The following ZNF609 variants were observed in gnomAD, a reference collection of about 807,000 sequenced individuals.
ZNF609 encodes the protein zinc finger protein 609.
ZNF609 carries 11 observed loss-of-function variants against 109.5 expected under a neutral mutation model. The observed-to-expected ratio is 0.10, with a 90% CI of 0.06 to 0.17. The LOEUF is 0.17. Among genes scored for constraint, ZNF609 ranks in the 10% least tolerant of loss-of-function variants. The pLI is 1.00. For missense variants in ZNF609, 1,559 were observed against 1,772.4 expected (o/e 0.88, Z 2.16); for synonymous variants, 646 against 662.0 (o/e 0.98, Z 0.37).
chr15:64,605,266 T>C (rs749655304), intron 2 of ZNF609, among the ~76,000 whole-genome samples: 2 of 152,168 alleles, frequency 1.3e-5, no homozygotes, highest in Non-Finnish European at 2.9e-5. Flanking sequence ...ATATAACCTG[T>C]TTCATGTAGT....
At position 64,499,721 on chromosome 15, in the gene ZNF609, A is replaced by G; in HGVS notation, c.302A>G (p.Lys101Arg). Residue 101 changes from lysine to arginine, a missense_variant, in exon 2 of 10, where the codon AAA (lysine) becomes AGA (arginine). This residue lies in a region of ZNF609 where 291 missense variants were observed against 317.8 expected (regional missense o/e 0.92). Coordinates refer to ENST00000326648, the MANE Select transcript of ZNF609 (RefSeq NM_015042.2). ...AGTAAGAGTGGCAAAGACACTAGCA[A>G]ACCCACTCCAGGGACTTCCCTGTTC... ...KRSKSGKDTS[K>R]PTPGTSLFTP... The G allele has an allele frequency of 6.2e-7, 1 of 1,614,082 alleles. No individual in the cohort carries two copies. The highest frequency in any genetic ancestry group is 8.5e-7 in the Non-Finnish European group (1 of 1,180,026).
chr15:64,524,084 A>G (rs1378930534), intron 2 of ZNF609, among the ~76,000 whole-genome samples: 1 of 146,660 alleles, frequency 6.8e-6, no homozygotes, highest in Non-Finnish European at 1.5e-5. Context: ...TTTTTTCAGT[A>G]TACAATTCAG....
intron 2 of ZNF609, among the ~76,000 whole-genome samples, chr15:64,608,599 A>G (rs1484770022): frequency 6.6e-6 from 1 of 152,102 alleles, no homozygotes; most frequent in African/African-American, 2.4e-5. Flanking sequence ...TGTGTTGACT[A>G]TTTACAACTA....
intron 1 of ZNF609, among the ~76,000 whole-genome samples, chr15:64,461,837 C>G (rs1237507750): frequency 2.0e-5 from 3 of 152,212 alleles, no homozygotes; most frequent in Non-Finnish European, 4.4e-5. Flanking sequence ...ACAGGCCTCC[C>G]TTTTCTGTAT....
intron 3 of ZNF609, among the ~76,000 whole-genome samples, chr15:64,666,783 G>A (rs1896655172): frequency 6.6e-6 from 1 of 152,012 alleles, no homozygotes; most frequent in South Asian, 2.1e-4. Context: ...CCAAAGTGCT[G>A]GGATTACAGG....
Position 64,585,046 on chromosome 15 carries a change from C to T in ZNF609, c.748-37781C>T, listed in dbSNP as rs143291664. 0.02 allele frequency among the ~76,000 whole-genome samples: 3,018 copies of T among 151,120 alleles called. 237 individuals are homozygous for T. In the South Asian group the frequency reaches 0.28, roughly 14 times the overall value. On this transcript the variant is annotated intron_variant, in intron 2 of 9. Transcript: ENST00000326648. ...TGATGGGTTAAAATCCATCCTGGGCCGGGTGTGGTGGCTCATGCCTATAAT... is the reference window on the plus strand; with the variant it reads ...TGATGGGTTAAAATCCATCCTGGGCTGGGTGTGGTGGCTCATGCCTATAAT...
chr15:64,510,577 C>T (rs951861060), intron 2 of ZNF609, among the ~76,000 whole-genome samples: 1 of 151,958 alleles, frequency 6.6e-6, no homozygotes, highest in Non-Finnish European at 1.5e-5. Context: ...TAGGTACGTA[C>T]GTAGAGGAAA....
chr15:64,644,981 T>TTTTTTCTTTCTTTCTTTC (rs1896309504), intron 3 of ZNF609, among the ~76,000 whole-genome samples: 1 of 139,580 alleles, frequency 7.2e-6, no homozygotes, highest in African/African-American at 3.1e-5. Context: ...CTTTCTTTCT[T>TTTTTTCTTTCTTTCTTTC]TTTCTTTCTT....
At chr15:64,555,384 G>T (rs909516337) in intron 2 of ZNF609, among the ~76,000 whole-genome samples, 2 of 151,944 alleles carry the variant, frequency 1.3e-5, no homozygotes, top group African/African-American at 4.8e-5. Flanking sequence ...AATAAATTGG[G>T]CTGGGTGCAG....
chr15:64,475,513 C>T (rs1302320270), intron 1 of ZNF609, among the ~76,000 whole-genome samples: 1 of 151,158 alleles, frequency 6.6e-6, no homozygotes, highest in East Asian at 1.9e-4. Flanking sequence ...CTCAGCCTCC[C>T]GAGTAACTGG....
chr15:64,592,264 C>G (rs550880122), intron 2 of ZNF609, among the ~76,000 whole-genome samples: 1 of 152,164 alleles, frequency 6.6e-6, no homozygotes, highest in East Asian at 1.9e-4. Context: ...TTAAATGAAT[C>G]GTGGTTGGTT....
chr15:64,530,781 G>T (rs1265745646), intron 2 of ZNF609, among the ~76,000 whole-genome samples: 2 of 152,116 alleles, frequency 1.3e-5, no homozygotes, highest in Non-Finnish European at 2.9e-5. Context: ...AGTTCCTTTG[G>T]AATTGAAGGT....
chr15:64,500,120 A>C lies in ZNF609; in HGVS notation c.701A>C (p.Glu234Ala). The stretch of plus-strand genomic sequence containing the variant: ...TTGGGAACTAAACCGGAGCCAGAGG[A>C]AGGGGAGAATGAGTGTCGCCTGCTA... ...NPLGTKPEPE[E>A]GENECRLLKK... is the part of the protein sequence containing the mutation. Residue 234 changes from glutamate to alanine, a missense_variant, in exon 2 of 10, where the codon GAA becomes GCA. Glu to Ala is a moderately radical substitution (Grantham distance 107). Transcript: ENST00000326648. 6.2e-7 allele frequency: 1 copy of C among 1,613,892 alleles called. No homozygotes were observed.
chr15:64,485,042 C>A (rs1052473050), intron 1 of ZNF609, among the ~76,000 whole-genome samples: 1 of 152,054 alleles, frequency 6.6e-6, no homozygotes, highest in Non-Finnish European at 1.5e-5. Flanking sequence ...TGTACTGCCA[C>A]GGAAATGCTG....
At chr15:64,670,584 A>C (rs1335967700) in intron 4 of ZNF609, 151 bp downstream of exon 4, 3 of 710,932 alleles carry the variant, frequency 4.2e-6, no homozygotes, top group Non-Finnish European at 7.2e-6. Context: ...TCTGACATTC[A>C]AGAAGACTGA....
At chr15:64,600,468 A>AG (rs1662163925) in intron 2 of ZNF609, among the ~76,000 whole-genome samples, 1 of 118,952 alleles carries the variant, frequency 8.4e-6, no homozygotes, top group South Asian at 4.8e-4. Context: ...AAAAAAAAAG[A>AG]AAAAAAAAAA....
chr15:64,463,497 T>C (rs1033837603), intron 1 of ZNF609, among the ~76,000 whole-genome samples: 2 of 152,142 alleles, frequency 1.3e-5, no homozygotes, highest in Non-Finnish European at 2.9e-5. Flanking sequence ...GTAAAACTCA[T>C]TGTGAGTGGG....
chr15:64,534,757 G>A (rs1894114843), intron 2 of ZNF609, among the ~76,000 whole-genome samples: 1 of 152,006 alleles, frequency 6.6e-6, no homozygotes, highest in Non-Finnish European at 1.5e-5. Flanking sequence ...TTTAGGCCCG[G>A]TGCAGTGGCT....
chr15:64,502,292 T>C (rs1480467167), intron 2 of ZNF609: 1 of 152,190 alleles, frequency 6.6e-6, no homozygotes. Context: ...CCTTTGGCTA[T>C]TGAAATAAAT....
Sources: allele counts gnomAD v4.1 joint callset (sites outside exome capture counted in the v4.1 genomes callset), GRCh38; gene constraint gnomAD v4.1.1; regional missense constraint gnomAD v4.1.1; transcripts MANE v1.5; gene names NCBI Gene and HGNC (gene_info 2026-07-23, HGNC 2026-07-21).